Variants in ROR1 observed in about 807,000 individuals in gnomAD.
ROR1 encodes the protein ROR family WNT receptor 1, also known as inactive tyrosine-protein kinase transmembrane receptor ROR1.
Under a neutral mutation model 78.8 loss-of-function variants are expected in ROR1, and 19 were observed. The ratio of observed to expected loss-of-function variants is 0.24; its 90% CI spans 0.17 to 0.35. The LOEUF (loss-of-function observed/expected upper bound fraction) is 0.35, where lower values mean the gene tolerates loss of function less well. ROR1 is among the 10% of genes least tolerant of loss of function. ROR1 has a pLI of 1.00. For missense variants in ROR1, 917 were observed against 1,177.8 expected (o/e 0.78, Z 3.24); for synonymous variants, 386 against 433.6 (o/e 0.89, Z 1.36).
intron 7 of ROR1, among the ~76,000 whole-genome samples, chr1:64,150,553 T>C (rs1649592510): frequency 6.6e-6 from 1 of 152,236 alleles, no homozygotes; most frequent in Non-Finnish European, 1.5e-5. Flanking sequence ...CCATATTTCA[T>C]AGAAGACCTG....
chr1:64,147,391 T>G (rs1445538811), intron 7 of ROR1, among the ~76,000 whole-genome samples: 3 of 152,206 alleles, frequency 2.0e-5, no homozygotes, highest in African/African-American at 4.8e-5. Context: ...CATTTTATTT[T>G]AAAACAAAGC....
chr1:63,916,116 C>T (rs956648141), intron 1 of ROR1, among the ~76,000 whole-genome samples: 1 of 152,208 alleles, frequency 6.6e-6, no homozygotes, highest in African/African-American at 2.4e-5. Flanking sequence ...CATTTCTACC[C>T]TATTTTTCTT....
chr1:64,002,205 C>T (rs1646390090), intron 1 of ROR1, among the ~76,000 whole-genome samples: 1 of 148,470 alleles, frequency 6.7e-6, no homozygotes, highest in South Asian at 2.1e-4. Context: ...ACAGTCTTGG[C>T]TCGCTGCAAC....
At chr1:64,158,900 T>A in intron 7 of ROR1, 81 bp from the exon 8 acceptor site, 2 of 1,045,536 alleles carry the variant, frequency 1.9e-6, no homozygotes, top group Non-Finnish European at 2.9e-6. Context: ...AAGAGGTGGT[T>A]CATTTTAAAC....
intron 1 of ROR1, among the ~76,000 whole-genome samples, chr1:63,832,712 G>T (rs191400724): frequency 6.6e-6 from 1 of 152,302 alleles, no homozygotes; most frequent in East Asian, 1.9e-4. Context: ...AAAGCTGATT[G>T]ATGTATTCAG....
intron 1 of ROR1, among the ~76,000 whole-genome samples, chr1:63,978,848 C>A (rs981211274): frequency 2.0e-5 from 3 of 152,082 alleles, no homozygotes; most frequent in African/African-American, 7.2e-5. Flanking sequence ...ACTTATGGAG[C>A]CTGGAAAATC....
chr1:64,128,291 C>CAA (rs72429774), intron 4 of ROR1, among the ~76,000 whole-genome samples: 44,100 of 101,046 alleles, frequency 0.44, 10,649 homozygotes, highest in South Asian at 0.47. Context: ...CCTGTCTCTA[C>CAA]AAAAAAAAAA....
chr1:64,163,619 C>T (rs1165309306), intron 8 of ROR1, among the ~76,000 whole-genome samples: 1 of 152,112 alleles, frequency 6.6e-6, no homozygotes, highest in East Asian at 1.9e-4. Flanking sequence ...TTTTACTTCT[C>T]AATTTACCCT....
intron 4 of ROR1, among the ~76,000 whole-genome samples, chr1:64,110,414 A>G (rs2806533): frequency 0.97 from 147,888 of 152,176 alleles, 71,960 homozygotes; most frequent in East Asian, 1. Context: ...AGCCTATCAG[A>G]TATAGAGCTG....
chr1:63,816,514 C>A (rs1380074356), intron 1 of ROR1, among the ~76,000 whole-genome samples: 2 of 152,158 alleles, frequency 1.3e-5, no homozygotes, highest in African/African-American at 2.4e-5. Flanking sequence ...TGTGAGGCCT[C>A]CCCAGCCATT....
Position 63,774,296 on chromosome 1 carries a change from G to A in ROR1, c.-122G>A, listed in dbSNP as rs1325034618. ...TAGAGGGACAAAGAGCTTTGCAGAC[G>A]TCCCCGGCGTCCTGCGAGCGCCAGC... On this transcript the variant is annotated 5_prime_UTR_variant, in exon 1 of 9. Coordinates refer to ENST00000371079, the MANE Select transcript of ROR1 (RefSeq NM_005012.4). The surrounding 1 kb of genome is among the most constrained non-coding windows in gnomAD (Gnocchi z 5.7). The A allele has an allele frequency of 2.0e-6, 1 of 489,826 alleles. No homozygotes were observed. The highest frequency in any genetic ancestry group is 3.2e-6 in the Non-Finnish European group (1 of 308,428). 30.3% of individuals were successfully genotyped at this position (489,826 alleles called of 1,614,324 possible).
At chr1:63,800,729 C>G (rs377169180) in intron 1 of ROR1, among the ~76,000 whole-genome samples, 1 of 152,130 alleles carries the variant, frequency 6.6e-6, no homozygotes, top group African/African-American at 2.4e-5. Context: ...CATCAAGATC[C>G]TCAGGTAATT....
chr1:63,926,451 C>T (rs556147725), intron 1 of ROR1, among the ~76,000 whole-genome samples: 22 of 152,254 alleles, frequency 1.4e-4, no homozygotes, highest in Admixed American at 1.2e-3. Context: ...GTGATGCCTC[C>T]AGCTTTGTTC....
intron 1 of ROR1, among the ~76,000 whole-genome samples, chr1:64,002,837 G>A (rs1646396254): frequency 6.6e-6 from 1 of 152,162 alleles, no homozygotes; most frequent in African/African-American, 2.4e-5. Flanking sequence ...TCTGGTATTG[G>A]TTCTCCAGCT....
intron 1 of ROR1, among the ~76,000 whole-genome samples, chr1:63,826,603 A>G (rs1477475719): frequency 6.6e-6 from 1 of 152,124 alleles, no homozygotes; most frequent in Non-Finnish European, 1.5e-5. Flanking sequence ...CTTTGGGTAC[A>G]TACCCAGTAG....
intron 1 of ROR1, among the ~76,000 whole-genome samples, chr1:63,971,152 A>C (rs1339563046): frequency 6.6e-6 from 1 of 152,196 alleles, no homozygotes; most frequent in East Asian, 1.9e-4. Context: ...AGTATAGCAC[A>C]GTGGCTAAAA....
intron 4 of ROR1, among the ~76,000 whole-genome samples, chr1:64,116,212 A>C (rs1242152177): frequency 6.6e-6 from 1 of 152,168 alleles, no homozygotes; most frequent in Non-Finnish European, 1.5e-5. Flanking sequence ...CAGCTGTGGG[A>C]TGGCTGTGTC....
chr1:63,820,008 G>A (rs1449811460), intron 1 of ROR1, among the ~76,000 whole-genome samples: 2 of 152,188 alleles, frequency 1.3e-5, no homozygotes, highest in Non-Finnish European at 2.9e-5. Flanking sequence ...CACTATGCAG[G>A]CATCAAGAAG....
chr1:63,995,142 A>G (rs1407326153), intron 1 of ROR1, among the ~76,000 whole-genome samples: 4 of 152,242 alleles, frequency 2.6e-5, no homozygotes, highest in African/African-American at 7.2e-5. Flanking sequence ...TGTTTCCATC[A>G]GATGTAAAAG....
Sources: allele counts gnomAD v4.1 joint callset (sites outside exome capture counted in the v4.1 genomes callset), GRCh38; gene constraint gnomAD v4.1.1; non-coding constraint Gnocchi (gnomAD v3.1); transcripts MANE v1.5; gene names NCBI Gene and HGNC (gene_info 2026-07-23, HGNC 2026-07-21).